The following CNTN6 variants were observed in gnomAD, a reference collection of about 807,000 sequenced individuals.
CNTN6 encodes contactin 6.
In CNTN6, 137 loss-of-function variants were observed where a neutral mutation model predicts 122.8. The ratio of observed to expected loss-of-function variants is 1.12; its 90% CI spans 0.97 to 1.29. The LOEUF (loss-of-function observed/expected upper bound fraction) is 1.29, where lower values mean the gene tolerates loss of function less well. Among genes scored for constraint, CNTN6 ranks in the 50% most tolerant of loss-of-function variants. The pLI is 0.00. For synonymous variants in CNTN6, 570 were observed against 426.0 expected, an observed-to-expected ratio of 1.34 and a Z score of -4.16; for missense variants, 1,634 against 1,223.4, an observed-to-expected ratio of 1.34 and a Z score of -5.01.
intron 20 of CNTN6, among the ~76,000 whole-genome samples, chr3:1,396,221 TC>T (rs1275327632): frequency 2.6e-5 from 4 of 152,176 alleles, no homozygotes; most frequent in Non-Finnish European, 5.9e-5. Flanking sequence ...TTACTGATCT[TC>T]TAAAGTTTAA....
chr3:1,109,695 T>C (rs1252008215), intron 1 of CNTN6, among the ~76,000 whole-genome samples: 1 of 152,076 alleles, frequency 6.6e-6, no homozygotes, highest in Admixed American at 6.6e-5. Flanking sequence ...ATATATTTTT[T>C]ATTCTTCTAT....
At position 1,372,843 on chromosome 3, in the gene CNTN6, T is replaced by C; in HGVS notation, c.1674T>C (p.Ser558=). The C allele has an allele frequency of 6.3e-7, 1 of 1,583,446 alleles. No individual in the cohort carries two copies. Among genetic ancestry groups the C allele is most frequent in the Non-Finnish European group, 8.6e-7 (1 of 1,156,146 alleles). ...VAHFERIGGE[S]VGDLMIRNIQ... is the part of the protein sequence containing the mutation. ...TTCTCCCTTTCTGTCTGCAGGAATC[T>C]GTTGGGGATTTGATGATAAGGAATA... Residue 558 remains serine (S), a synonymous_variant, in exon 14 of 23, where the codon TCT becomes TCC. Coordinates refer to ENST00000446702, the MANE Select transcript of CNTN6 (RefSeq NM_001289080.2).
In CNTN6 at chr3:1,376,838, T is replaced by C. The variant is rs138297099; in HGVS notation, c.2096-167T>C. Among the ~76,000 whole-genome samples the C allele has an allele frequency of 2.3e-3, 350 of 152,240 alleles. 2 individuals carry two copies. The highest frequency in any genetic ancestry group is 3.8e-3 in the Admixed American group (58 of 15,280). On this transcript the variant is annotated intron_variant, in intron 16 of 22. Coordinates refer to ENST00000446702, the MANE Select transcript of CNTN6 (RefSeq NM_001289080.2). ...TCAAACACAACTGTGTCCTCTCTCT[T>C]AGAAATTTGGATATGTGTAAACATA...
At chr3:1,321,518 C>G (rs1700840060) in intron 7 of CNTN6, 132 bp from the exon 8 acceptor site, 1 of 799,188 alleles carries the variant, frequency 1.3e-6, no homozygotes, top group Non-Finnish European at 2.0e-6. Context: ...ATTGCATGAT[C>G]TGAAAACTAG....
intron 20 of CNTN6, among the ~76,000 whole-genome samples, chr3:1,388,456 A>C (rs890827011): frequency 6.6e-6 from 1 of 151,630 alleles, no homozygotes; most frequent in Non-Finnish European, 1.5e-5. Context: ...AACCACAAAG[A>C]TGGGGAAAAA....
chr3:1,364,985 A>G (rs1708006072), intron 12 of CNTN6, among the ~76,000 whole-genome samples: 1 of 151,994 alleles, frequency 6.6e-6, no homozygotes, highest in Admixed American at 6.6e-5. Context: ...ATTTAGGGCA[A>G]TCTTCAAAAA....
chr3:1,401,284 G>A (rs1695670819), intron 20 of CNTN6, 149 bp from the exon 21 acceptor site: 4 of 645,790 alleles, frequency 6.2e-6, no homozygotes, highest in Non-Finnish European at 1.1e-5. Context: ...ACTGTGATTA[G>A]AATTAATATA....
At chr3:1,269,924 A>T (rs2125748653) in intron 4 of CNTN6, among the ~76,000 whole-genome samples, 1 of 152,302 alleles carries the variant, frequency 6.6e-6, no homozygotes, top group Non-Finnish European at 1.5e-5. Context: ...GAGGAATTTT[A>T]ACTTGGACTG....
intron 5 of CNTN6, among the ~76,000 whole-genome samples, chr3:1,280,821 G>C (rs989882830): frequency 6.6e-6 from 1 of 151,988 alleles, no homozygotes; most frequent in African/African-American, 2.4e-5. Flanking sequence ...CATATTTGTC[G>C]GCTGAATCAT....
intron 2 of CNTN6, among the ~76,000 whole-genome samples, chr3:1,161,912 A>C (rs572297980): frequency 6.6e-6 from 1 of 152,094 alleles, no homozygotes; most frequent in South Asian, 2.1e-4. Flanking sequence ...GCACTAATTT[A>C]GATTTTGATA....
At chr3:1,270,560 C>T (rs1449827604) in intron 4 of CNTN6, among the ~76,000 whole-genome samples, 1 of 152,284 alleles carries the variant, frequency 6.6e-6, no homozygotes, top group African/African-American at 2.4e-5. Flanking sequence ...AAAATACATA[C>T]CTTCAACATG....
intron 2 of CNTN6, among the ~76,000 whole-genome samples, chr3:1,169,760 C>T (rs2093326207): frequency 6.6e-6 from 1 of 152,190 alleles, no homozygotes; most frequent in South Asian, 2.1e-4. Context: ...CTATGCTAAT[C>T]AGATAACTGG....
chr3:1,170,374 C>G (rs779800533), intron 2 of CNTN6, among the ~76,000 whole-genome samples: 9 of 151,540 alleles, frequency 5.9e-5, no homozygotes, highest in Non-Finnish European at 8.8e-5. Flanking sequence ...ATATACAGAC[C>G]AAAATATGGG....
At chr3:1,355,388 C>G (rs916521351) in intron 12 of CNTN6, among the ~76,000 whole-genome samples, 6 of 151,582 alleles carry the variant, frequency 4.0e-5, no homozygotes, top group African/African-American at 1.5e-4. Context: ...ATTACCATGT[C>G]CTCTTAACTA....
chr3:1,395,101 TA>T (rs1391353869), intron 20 of CNTN6, among the ~76,000 whole-genome samples: 1 of 152,118 alleles, frequency 6.6e-6, no homozygotes, highest in African/African-American at 2.4e-5. Context: ...AGTGACCCTA[TA>T]AAAATAGCCA....
At chr3:1,401,573 T>TATC in intron 21 of CNTN6, 28 bp downstream of exon 21, 1 of 1,483,140 alleles carries the variant, frequency 6.7e-7, no homozygotes, top group Non-Finnish European at 9.3e-7. Flanking sequence ...CCTTTAATCA[T>TATC]ATCAATTAAG....
chr3:1,383,189 C>T lies in CNTN6; in HGVS notation c.2401+13C>T. The T allele has an allele frequency of 6.2e-7, 1 of 1,607,664 alleles. No homozygotes were observed. Among genetic ancestry groups the T allele is most frequent in the Non-Finnish European group, 8.5e-7 (1 of 1,174,394 alleles). Reference sequence around the variant, plus strand: ...TCTGGGGAAGATGGTAAGTTGTCCTCAACTCTGGTTTTCTTTGAGACTCTA... The same window carrying T: ...TCTGGGGAAGATGGTAAGTTGTCCTTAACTCTGGTTTTCTTTGAGACTCTA... On this transcript the variant is annotated intron_variant, in intron 18 of 22. Coordinates refer to ENST00000446702, the MANE Select transcript of CNTN6 (RefSeq NM_001289080.2).
intron 2 of CNTN6, among the ~76,000 whole-genome samples, chr3:1,191,387 T>C (rs2093699971): frequency 6.6e-6 from 1 of 152,114 alleles, no homozygotes; most frequent in East Asian, 1.9e-4. Flanking sequence ...TAATAATTAA[T>C]AATGTCTATG....
chr3:1,174,406 A>AGAT (rs2093412493), intron 2 of CNTN6, among the ~76,000 whole-genome samples: 2 of 152,228 alleles, frequency 1.3e-5, no homozygotes, highest in Admixed American at 1.3e-4. Context: ...AGGTATTTTC[A>AGAT]GATGGAATCT....
Sources: gnomAD v4.1 joint callset for allele counts (sites outside exome capture counted in the v4.1 genomes callset) on GRCh38, gnomAD v4.1.1 for gene constraint, MANE v1.5 for transcripts, NCBI Gene and HGNC (gene_info 2026-07-23, HGNC 2026-07-21) for gene names.